The following PFKFB3 variants were observed in gnomAD, a reference collection of about 807,000 sequenced individuals.
PFKFB3 encodes the protein 6-phosphofructo-2-kinase/fructose-2,6-biphosphatase 3.
A neutral mutation model predicts 68.0 loss-of-function variants in PFKFB3; 33 were observed. The ratio of observed to expected loss-of-function variants is 0.49; its 90% CI spans 0.37 to 0.65. PFKFB3 has a LOEUF of 0.65. Ranked by LOEUF, PFKFB3 falls within the 30% of genes least tolerant of loss-of-function variation. The pLI, the probability that PFKFB3 is intolerant of heterozygous loss-of-function variation, is 0.00. For missense variants in PFKFB3, 586 were observed against 712.2 expected (o/e 0.82, Z 2.02); for synonymous variants, 315 against 288.2 (o/e 1.09, Z -0.94).
the PFKFB3 span, among the ~76,000 whole-genome samples, chr10:6,301,538 G>A: frequency 6.6e-6 from 1 of 152,210 alleles, no homozygotes; most frequent in Non-Finnish European, 1.5e-5. Context: ...AAGATGAATT[G>A]TGCTAATCTG....
intron 1 of PFKFB3, among the ~76,000 whole-genome samples, chr10:6,161,214 G>C (rs1841958105): frequency 1.3e-5 from 2 of 152,180 alleles, no homozygotes; most frequent in Admixed American, 1.3e-4. Context: ...GGAATTACAG[G>C]TGTGAGCCAC....
chr10:6,238,556 T>G (rs962982826), downstream of PFKFB3, among the ~76,000 whole-genome samples: 8 of 152,060 alleles, frequency 5.3e-5, no homozygotes, highest in African/African-American at 1.7e-4. Context: ...AAATCTTTTT[T>G]TTTTTTTAAC....
In PFKFB3 at chr10:6,217,222, G is replaced by T. The variant is rs373299085; in HGVS notation, c.498+31G>T. 3 of 1,596,636 alleles carry T rather than the reference G, an allele frequency of 1.9e-6. No individual in the cohort carries two copies. The African/African-American group carries it at 4.0e-5, about 21-fold the overall frequency. On this transcript the variant is annotated intron_variant, in intron 6 of 14. Coordinates refer to ENST00000379775, the MANE Select transcript of PFKFB3 (RefSeq NM_004566.4). The stretch of plus-strand genomic sequence containing the variant: ...ACAGCCGGGAGCCCCGTGCTTCTGC[G>T]GCAGCGTAGACCACAAGGGCATTTG...
intron 1 of PFKFB3, among the ~76,000 whole-genome samples, chr10:6,182,144 A>C (rs541708467): frequency 6.6e-6 from 1 of 152,184 alleles, no homozygotes; most frequent in Non-Finnish European, 1.5e-5. Flanking sequence ...TGGCCTCCTC[A>C]GTCTTGGCGG....
Position 6,215,397 on chromosome 10 carries a change from A to AGGCTGGGCCGCGGGCGTAG in PFKFB3, c.299+89_299+107dup, listed in dbSNP as rs1335685784. 1.9e-6 allele frequency: 2 copies of AGGCTGGGCCGCGGGCGTAG among 1,079,574 alleles called. No homozygotes were observed. The highest frequency in any genetic ancestry group is 1.6e-5 in the African/African-American group (1 of 63,902). 66.9% of individuals were successfully genotyped at this position (1,079,574 alleles called of 1,614,324 possible). A position where few individuals can be genotyped will look rare whatever the true frequency, so the allele number is the denominator to read the frequency against. ...GGCATAAGGCTGGGCTGCAGGAGTA[A>AGGCTGGGCCGCGGGCGTAG]GGCTGGGCCGCGGGCGTAGGGCTGG... On this transcript the variant is annotated intron_variant, in intron 3 of 14. Coordinates refer to ENST00000379775, the MANE Select transcript of PFKFB3 (RefSeq NM_004566.4). This position sits in a 1 kb window ranked among gnomAD's most constrained non-coding sequence, Gnocchi z 4.3.
intron 1 of PFKFB3, among the ~76,000 whole-genome samples, chr10:6,177,130 C>T (rs1184762159): frequency 6.6e-6 from 1 of 152,182 alleles, no homozygotes. Context: ...GAATTGTTCC[C>T]TAATGGTTTC....
intron 13 of PFKFB3, among the ~76,000 whole-genome samples, chr10:6,224,898 A>G (rs1285812810): frequency 6.6e-6 from 1 of 151,312 alleles, no homozygotes; most frequent in African/African-American, 2.4e-5. Context: ...TCAGCAGGTC[A>G]GCGCCGCCAT....
intron 1 of PFKFB3, among the ~76,000 whole-genome samples, chr10:6,184,196 G>T (rs547642759): frequency 6.6e-6 from 1 of 151,528 alleles, no homozygotes; most frequent in South Asian, 2.1e-4. Flanking sequence ...GGGGTTGTAG[G>T]TGCCCACCAC....
At chr10:6,174,066 G>A (rs77870845) in intron 1 of PFKFB3, among the ~76,000 whole-genome samples, 1,635 of 152,222 alleles carry the variant, frequency 0.011, 68 homozygotes, top group East Asian at 0.098. Context: ...GGGGATTGGA[G>A]CGGCTTGAAG....
At position 6,220,573 on chromosome 10, in the gene PFKFB3, G is replaced by A. The variant is rs910447534; in HGVS notation, c.624-85G>A. ...TACGGTCCCGCCTTGCTGTTCTCTG[G>A]GGATCACATCTTCGGAGACGGGCCA... On this transcript the variant is annotated intron_variant, in intron 7 of 14. Coordinates refer to ENST00000379775, the MANE Select transcript of PFKFB3 (RefSeq NM_004566.4). This position sits in a 1 kb window ranked among gnomAD's most constrained non-coding sequence, Gnocchi z 4.1. 64 of 1,257,990 alleles carry A rather than the reference G, an allele frequency of 5.1e-5. No homozygotes were observed. In the South Asian group the frequency reaches 6.3e-4, roughly 12 times the overall value. The allele number at this position is 1,257,990 out of a possible 1,614,324, so 77.9% of individuals were successfully genotyped here.
At chr10:6,206,703 ATGCTCCT>A (rs1282310609) in intron 1 of PFKFB3, among the ~76,000 whole-genome samples, 15 of 148,114 alleles carry the variant, frequency 1.0e-4, no homozygotes, top group Middle Eastern at 3.7e-3. Flanking sequence ...CCGGGCAGAG[ATGCTCCT>A]CACTGCCTAG....
chr10:6,231,287 A>G, intron 14 of PFKFB3: 1 of 1,611,560 alleles, frequency 6.2e-7, no homozygotes, highest in Non-Finnish European at 8.5e-7. Flanking sequence ...ACATTTTCTC[A>G]AAGTTTTCTC....
chr10:6,147,027 C>G (rs1424913393), intron 1 of PFKFB3, among the ~76,000 whole-genome samples: 1 of 152,322 alleles, frequency 6.6e-6, no homozygotes, highest in African/African-American at 2.4e-5. Context: ...GAGGCTTTAT[C>G]GAGGCAGAGC....
chr10:6,246,728 A>G (rs910230635), intron 14 of PFKFB3, among the ~76,000 whole-genome samples: 2 of 152,138 alleles, frequency 1.3e-5, no homozygotes, highest in Admixed American at 6.5e-5. Flanking sequence ...GGTATATTGC[A>G]TGATGCTGAA....
upstream of PFKFB3, among the ~76,000 whole-genome samples, chr10:6,199,766 G>A (rs572572213): frequency 3.5e-5 from 5 of 142,816 alleles, no homozygotes; most frequent in East Asian, 1.1e-3. Flanking sequence ...CACCCAAAGT[G>A]CTGGGATTAC....
rs538650518 is a variant in PFKFB3 at position 6,178,659 on chromosome 10, G to A, written c.16+33646G>A. ...GGAGATGACTGGGGAGCAGCTGGGC[G>A]TTATTTTCCCCGGGGCCAGGGTGGG... On this transcript the variant is annotated intron_variant, in intron 1 of 14. Transcript: ENST00000379789. Among the ~76,000 whole-genome samples, 548 of 152,304 alleles carry A rather than the reference G, an allele frequency of 3.6e-3. 2 individuals carry two copies. Among genetic ancestry groups the A allele is most frequent in the South Asian group, 8.5e-3 (41 of 4,824 alleles).
rs556703099 is a variant in PFKFB3 at position 6,214,208 on chromosome 10, C to T, written c.202+460C>T. Among the ~76,000 whole-genome samples, 65 of 152,312 alleles carry T rather than the reference C, an allele frequency of 4.3e-4. 1 individual carries two copies. Among genetic ancestry groups the T allele is most frequent in the African/African-American group, 1.4e-3 (57 of 41,550 alleles). On this transcript the variant is annotated intron_variant, in intron 2 of 14. Transcript: ENST00000379775. ...TGAGTGCGCATTCCTGCCTGAGCTCCGCCTCCAGTCTGATCAGTGGTGGCA... is the reference window on the plus strand; with the variant it reads ...TGAGTGCGCATTCCTGCCTGAGCTCTGCCTCCAGTCTGATCAGTGGTGGCA...
In PFKFB3 at chr10:6,222,862, A is replaced by G. The variant is rs1244328601; in HGVS notation, c.1091A>G (p.Gln364Arg). 8 of 1,613,416 alleles carry G rather than the reference A, an allele frequency of 5.0e-6. No individual in the cohort carries two copies. In the Admixed American group the frequency reaches 1.3e-4, roughly 27 times the overall value. Residue 364 changes from glutamine (Q) to arginine (R), a missense_variant, in exon 11 of 15, where the codon CAG becomes CGG. Transcript: ENST00000379775. ...YYRYPTGESYQDLVQRLEPVI... is the reference protein window; with the variant it reads ...YYRYPTGESYRDLVQRLEPVI... Reference sequence around the variant, plus strand: ...CCGGCCCTCTGTGCTCAGTCCTACCAGGACCTGGTCCAGCGCTTGGAGCCA... The same window carrying G: ...CCGGCCCTCTGTGCTCAGTCCTACCGGGACCTGGTCCAGCGCTTGGAGCCA...
intron 1 of PFKFB3, among the ~76,000 whole-genome samples, chr10:6,182,132 T>TC (rs1842730544): frequency 6.6e-6 from 1 of 152,180 alleles, no homozygotes; most frequent in Non-Finnish European, 1.5e-5. Context: ...GTCCCTGGCT[T>TC]CTGGCCTCCT....
Sources: allele counts gnomAD v4.1 joint callset (sites outside exome capture counted in the v4.1 genomes callset), GRCh38; gene constraint gnomAD v4.1.1; non-coding constraint Gnocchi (gnomAD v3.1); transcripts MANE v1.5; gene names NCBI Gene and HGNC (gene_info 2026-07-23, HGNC 2026-07-21).